The following ELP1 variants were observed in gnomAD, a reference collection of about 807,000 sequenced individuals.
ELP1 encodes elongator complex protein 1.
Under a neutral mutation model 183.2 loss-of-function variants are expected in ELP1, and 131 were observed. The ratio of observed to expected loss-of-function variants is 0.72; its 90% CI spans 0.62 to 0.83. The LOEUF (loss-of-function observed/expected upper bound fraction) is 0.83. Among genes scored for constraint, ELP1 ranks in the 40% least tolerant of loss-of-function variants. ELP1 has a pLI of 0.00. For synonymous variants in ELP1, 555 were observed against 569.0 expected, an observed-to-expected ratio of 0.98 and a Z score of 0.35; for missense variants, 1,550 against 1,594.9, an observed-to-expected ratio of 0.97 and a Z score of 0.48.
rs1001182 is a variant in ELP1, at chr9:108,895,884, T to G, written c.2736+612A>C. Among the ~76,000 whole-genome samples, 5 of 152,242 alleles carry G rather than the reference T, an allele frequency of 3.3e-5. No homozygotes were observed. The East Asian group carries it at 9.7e-4, about 29-fold the overall frequency. On this transcript the variant is annotated intron_variant, in intron 25 of 36. Coordinates refer to ENST00000374647, the MANE Select transcript of ELP1 (RefSeq NM_003640.5). ...AGAGCCATGTGAGAAAGAACCGGAG[T>G]GGAACATGAACCACTTGTTACATTT...
At chr9:108,905,171 A>G (rs893192817) in intron 14 of ELP1, among the ~76,000 whole-genome samples, 2 of 152,230 alleles carry the variant, frequency 1.3e-5, no homozygotes, top group Non-Finnish European at 1.5e-5. Flanking sequence ...AGTAGCAGCA[A>G]ATGACTGCAT....
intron 20 of ELP1, among the ~76,000 whole-genome samples, 186 bp downstream of exon 20, chr9:108,899,636 A>G (rs1271787972): frequency 1.3e-5 from 2 of 151,452 alleles, no homozygotes; most frequent in Non-Finnish European, 1.5e-5. Flanking sequence ...AGGAATCTCC[A>G]CTACAAAATA....
chr9:108,904,634 T>C (rs1828951962), intron 14 of ELP1, among the ~76,000 whole-genome samples: 1 of 152,216 alleles, frequency 6.6e-6, no homozygotes, highest in Admixed American at 6.5e-5. Context: ...CGCTGGGATT[T>C]GATCCTGGCT....
At chr9:108,922,688 G>A (rs144601945) in intron 6 of ELP1, among the ~76,000 whole-genome samples, 154 bp downstream of exon 6, 4 of 152,208 alleles carry the variant, frequency 2.6e-5, no homozygotes, top group African/African-American at 9.6e-5. Context: ...GATCTTTCTA[G>A]AGGGATTCAT....
intron 12 of ELP1, 25 bp downstream of exon 12, chr9:108,910,985 T>C (rs1305559157): frequency 5.0e-6 from 8 of 1,610,582 alleles, no homozygotes; most frequent in South Asian, 1.1e-5. Context: ...ATTCAGAACA[T>C]CTTGGCAAAA....
At position 108,906,489 on chromosome 9, in the gene ELP1, T is replaced by C. The variant is rs201764860; in HGVS notation, c.1461-4A>G. 7 of 1,611,548 alleles carry C rather than the reference T, an allele frequency of 4.3e-6. No individual in the cohort carries two copies. Among genetic ancestry groups the C allele is most frequent in the Non-Finnish European group, 5.9e-6 (7 of 1,177,686 alleles). Reference sequence around the variant, plus strand: ...TTCATTATTCTCAAACTGGATTCTATTGTAAATATTGAAGAATATCCAAGA... The same window carrying C: ...TTCATTATTCTCAAACTGGATTCTACTGTAAATATTGAAGAATATCCAAGA... On this transcript the variant is annotated splice_polypyrimidine_tract_variant and splice_region_variant and intron_variant, in intron 13 of 36. Coordinates refer to ENST00000374647, the MANE Select transcript of ELP1 (RefSeq NM_003640.5).
intron 10 of ELP1, among the ~76,000 whole-genome samples, chr9:108,915,727 G>T (rs1013741231): frequency 6.6e-6 from 1 of 150,870 alleles, no homozygotes; most frequent in African/African-American, 2.4e-5. Flanking sequence ...AACAACACAG[G>T]CTTGAACTAC....
intron 29 of ELP1, among the ~76,000 whole-genome samples, chr9:108,883,358 G>A (rs567566144): frequency 1.3e-5 from 2 of 152,210 alleles, no homozygotes; most frequent in African/African-American, 4.8e-5. Context: ...GTAGAAACAA[G>A]GTCTTTCTAT....
rs1423041055 is a variant in ELP1 at position 108,896,557 on chromosome 9, T to C, written c.2675A>G (p.Asp892Gly). Residue 892 changes from aspartate (D) to glycine (G), a missense_variant, in exon 25 of 37, where the codon GAT (aspartate) becomes GGT (glycine). Physicochemically the swap from Asp to Gly is moderately conservative, Grantham distance 94. Transcript: ENST00000374647. ...LHLVDVNELYDHSLGTYDFDL... is the reference protein window; with the variant it reads ...LHLVDVNELYGHSLGTYDFDL... Reference sequence around the variant, plus strand: ...AAAGTCATAGGTGCCAAGAGAATGATCATATAATTCATTAACATCTACCAG... The same window carrying C: ...AAAGTCATAGGTGCCAAGAGAATGACCATATAATTCATTAACATCTACCAG... 6 of 1,613,760 alleles carry C rather than the reference T, an allele frequency of 3.7e-6. No homozygotes were observed. Among genetic ancestry groups the C allele is most frequent in the African/African-American group, 1.3e-5 (1 of 74,892 alleles).
chr9:108,931,400 T>C (rs1235659560), intron 1 of ELP1, among the ~76,000 whole-genome samples, 199 bp from the exon 2 acceptor site: 1 of 152,216 alleles, frequency 6.6e-6, no homozygotes, highest in African/African-American at 2.4e-5. Flanking sequence ...AAATTAGGAA[T>C]TCTGAAACCT....
chr9:108,886,562 A>G (rs921719732), intron 29 of ELP1, among the ~76,000 whole-genome samples: 31 of 152,210 alleles, frequency 2.0e-4, no homozygotes, highest in African/African-American at 7.2e-4. Context: ...CACTCGTCTA[A>G]AAACAAAACC....
chr9:108,919,466 C>A, intron 6 of ELP1, 117 bp from the exon 7 acceptor site: 1 of 671,568 alleles, frequency 1.5e-6, no homozygotes, highest in Non-Finnish European at 2.7e-6. Flanking sequence ...CTTTGAAAGC[C>A]TGCCTCTAGA....
chr9:108,886,128 A>G (rs930486865), intron 29 of ELP1, among the ~76,000 whole-genome samples: 5 of 152,188 alleles, frequency 3.3e-5, no homozygotes, highest in African/African-American at 9.6e-5. Context: ...ACTGTAATGC[A>G]TTGGCAGTAC....
chr9:108,922,768 C>T, intron 6 of ELP1, 74 bp downstream of exon 6: 2 of 1,105,706 alleles, frequency 1.8e-6, no homozygotes, highest in South Asian at 1.2e-5. Flanking sequence ...TAAGTGGACA[C>T]CAAAGAGTTC....
In ELP1 at chr9:108,869,278, G is replaced by C. The variant is rs1827347432; in HGVS notation, c.3932-96C>G. 4 of 1,020,290 alleles carry C rather than the reference G, an allele frequency of 3.9e-6. No individual in the cohort carries two copies. In the Admixed American group the frequency reaches 6.9e-5, roughly 18 times the overall value. The allele number at this position is 1,020,290 out of a possible 1,614,324, so 63.2% of individuals were successfully genotyped here. On this transcript the variant is annotated intron_variant, in intron 36 of 36. Transcript: ENST00000374647. ...AAACTAAACAAACTAGGCAGGTGGA[G>C]TTTGCAGCAATAAGACCATCAGAGC...
At chr9:108,901,942 C>T (rs1828824907) in intron 16 of ELP1, among the ~76,000 whole-genome samples, 1 of 152,208 alleles carries the variant, frequency 6.6e-6, no homozygotes, top group African/African-American at 2.4e-5. Context: ...CTCCACTCAA[C>T]CGGTGTTGAT....
intron 14 of ELP1, 41 bp from the exon 15 acceptor site, chr9:108,903,710 T>C: frequency 7.0e-7 from 1 of 1,419,742 alleles, no homozygotes. Flanking sequence ...CAGACCATTT[T>C]TCTCAAAAAT....
intron 13 of ELP1, 64 bp from the exon 14 acceptor site, chr9:108,906,549 T>C: frequency 7.1e-7 from 1 of 1,401,090 alleles, no homozygotes; most frequent in Non-Finnish European, 1.0e-6. Flanking sequence ...GAGACGTTCC[T>C]GGATGAAGGA....
intron 29 of ELP1, among the ~76,000 whole-genome samples, chr9:108,884,853 G>A (rs745550872): frequency 3.3e-5 from 5 of 152,148 alleles, no homozygotes; most frequent in Admixed American, 6.5e-5. Context: ...GGCAGAGGTG[G>A]AGGGATCACT....
Sources: gnomAD v4.1 joint callset for allele counts (sites outside exome capture counted in the v4.1 genomes callset) on GRCh38, gnomAD v4.1.1 for gene constraint, MANE v1.5 for transcripts, NCBI Gene and HGNC (gene_info 2026-07-23, HGNC 2026-07-21) for gene names.